The following P4HA1 variants were observed in gnomAD, a reference collection of about 807,000 sequenced individuals.
P4HA1 encodes the protein prolyl 4-hydroxylase subunit alpha 1.
A neutral mutation model predicts 72.8 loss-of-function variants in P4HA1; 24 were observed. The ratio of observed to expected loss-of-function variants is 0.33; its 90% CI spans 0.24 to 0.46. The LOEUF (loss-of-function observed/expected upper bound fraction) is 0.46. Among genes scored for constraint, P4HA1 ranks in the 20% least tolerant of loss-of-function variants. The probability of loss-of-function intolerance (pLI) is 1.00; values close to 1 mark genes in which losing one functional copy is unlikely to be tolerated. For synonymous variants in P4HA1, 201 were observed against 218.8 expected (o/e 0.92, Z 0.72); for missense variants, 446 against 640.6 (o/e 0.70, Z 3.28).
intron 14 of P4HA1, 97 bp downstream of exon 14, chr10:73,009,710 A>G: frequency 1.5e-6 from 1 of 649,344 alleles, no homozygotes; most frequent in South Asian, 2.0e-5. Context: ...AATCATATTA[A>G]GCAAACATGG....
chr10:73,014,263 C>G lies in P4HA1; in HGVS notation c.1329G>C (p.Glu443Asp). The stretch of plus-strand genomic sequence containing the variant: ...TAGCAATTCTATTTCCTGTCCCCAG[C>G]TCTTTGAAAGCATCTGGCTCATCTT... ...ARKDEPDAFKELGTGNRIATW... is the reference protein window; with the variant it reads ...ARKDEPDAFKDLGTGNRIATW... The change falls in exon 12 of 15, where the codon GAG becomes GAC. Residue 443 changes from glutamate to aspartate, a missense_variant. Transcript: ENST00000394890. 1 of 1,613,378 alleles carries G rather than the reference C, an allele frequency of 6.2e-7. No individual in the cohort carries two copies. The highest frequency in any genetic ancestry group is 8.5e-7 in the Non-Finnish European group (1 of 1,179,390).
chr10:73,009,510 AATCCATT>A, intron 14 of P4HA1: 3 of 243,266 alleles, frequency 1.2e-5, no homozygotes, highest in Non-Finnish European at 2.5e-5. Context: ...ACTACATTAT[AATCCATT>A]AGTATGTCTC....
chr10:73,055,449 C>T (rs1267945217), intron 5 of P4HA1, among the ~76,000 whole-genome samples: 1 of 152,186 alleles, frequency 6.6e-6, no homozygotes, highest in Non-Finnish European at 1.5e-5. Context: ...CGTGATCCAC[C>T]CACTTCAGCC....
Position 73,008,241 on chromosome 10 carries a change from G to A in P4HA1, c.1586C>T (p.Thr529Met), listed in dbSNP as rs201647721. ...ERGQEFRRPCTLSELE is the reference protein window; with the variant it reads ...ERGQEFRRPCMLSELE ...TGTTTGTCATTCCAATTCTGACAAC[G>A]TACAAGGTCTTCGAAATTCTTGTCC... Residue 529 changes from threonine to methionine, a missense_variant, in exon 15 of 15, where the codon ACG becomes ATG. Physicochemically the swap from Thr to Met is moderately conservative, Grantham distance 81. Transcript: ENST00000394890. The A allele has an allele frequency of 1.9e-5, 30 of 1,606,558 alleles. No individual in the cohort carries two copies. Among genetic ancestry groups the A allele is most frequent in the Middle Eastern group, 1.6e-4 (1 of 6,062 alleles).
At chr10:73,040,476 AT>A (rs1217054869) in intron 9 of P4HA1, among the ~76,000 whole-genome samples, 255 of 123,570 alleles carry the variant, frequency 2.1e-3, no homozygotes, top group Middle Eastern at 0.012. Flanking sequence ...GAATTCATGA[AT>A]TTTTTTTTTT....
intron 1 of P4HA1, among the ~76,000 whole-genome samples, chr10:73,079,942 T>TGA (rs1841785631): frequency 6.6e-6 from 1 of 152,100 alleles, no homozygotes; most frequent in Non-Finnish European, 1.5e-5. Flanking sequence ...GATGGCCTTG[T>TGA]GAATGGTAGA....
chr10:73,084,998 G>A (rs1310490534), intron 1 of P4HA1, among the ~76,000 whole-genome samples: 9 of 151,980 alleles, frequency 5.9e-5, no homozygotes, highest in South Asian at 2.1e-4. Context: ...AAAATTAGCC[G>A]GGCATGGTGG....
rs572017167 is a variant in P4HA1 at position 73,053,775 on chromosome 10, G to C, written c.464-185C>G. Among the ~76,000 whole-genome samples, 5 of 152,146 alleles carry C rather than the reference G, an allele frequency of 3.3e-5. No homozygotes were observed. The East Asian group carries it at 9.6e-4, about 29-fold the overall frequency. ...TCTATAATATAATGTAGATAAACAA[G>C]AATCACACAGCTGGTATTAGGGGAC... On this transcript the variant is annotated intron_variant, in intron 5 of 14. Transcript: ENST00000394890.
At chr10:73,056,281 A>C (rs1416727707) in intron 5 of P4HA1, among the ~76,000 whole-genome samples, 2 of 152,230 alleles carry the variant, frequency 1.3e-5, no homozygotes, top group Admixed American at 6.5e-5. Context: ...TAAGAAAGAT[A>C]ATTTCAATGC....
rs761026912 is a variant in P4HA1 at position 73,053,372 on chromosome 10, T to A, written c.682A>T (p.Thr228Ser). 20 of 1,614,132 alleles carry A rather than the reference T, an allele frequency of 1.2e-5. No homozygotes were observed. Among genetic ancestry groups the A allele is most frequent in the Middle Eastern group, 3.3e-4 (2 of 6,060 alleles). Residue 228 changes from threonine to serine, a missense_variant, in exon 6 of 15, where the codon ACA becomes TCA. Thr to Ser is a moderately conservative substitution (Grantham distance 58, BLOSUM62 1). Transcript: ENST00000394890. ...ATACCTAGTTCAAGAAGCTTCTTTG[T>A]GAGCAAAAGTGCCTTATCCAGGTCT... ...QGDLDKALLL[T>S]KKLLELDPEH... is the part of the protein sequence containing the mutation.
chr10:73,008,387 G>A (rs1312090079), intron 14 of P4HA1, 95 bp from the exon 15 acceptor site: 2 of 792,988 alleles, frequency 2.5e-6, no homozygotes, highest in Non-Finnish European at 4.2e-6. Context: ...GTTTCATCAT[G>A]GGATAAAAGT....
intron 1 of P4HA1, among the ~76,000 whole-genome samples, chr10:73,080,761 T>C (rs1208691409): frequency 6.6e-6 from 1 of 152,110 alleles, no homozygotes; most frequent in African/African-American, 2.4e-5. Flanking sequence ...ACCCCGTCTC[T>C]ACTAAAAATA....
At chr10:73,040,362 T>G (rs1437852053) in intron 9 of P4HA1, among the ~76,000 whole-genome samples, 2 of 152,224 alleles carry the variant, frequency 1.3e-5, no homozygotes, top group Admixed American at 1.3e-4. Flanking sequence ...GTGATTTATT[T>G]TGATTTATTG....
At chr10:73,069,142 G>A (rs768992188) in intron 4 of P4HA1, among the ~76,000 whole-genome samples, 159 bp from the exon 5 acceptor site, 1 of 152,142 alleles carries the variant, frequency 6.6e-6, no homozygotes, top group Non-Finnish European at 1.5e-5. Context: ...CACTGAATAA[G>A]ACTTGGCATA....
At chr10:73,073,902 T>C in intron 2 of P4HA1, 75 bp from the exon 3 acceptor site, 1 of 768,432 alleles carries the variant, frequency 1.3e-6, no homozygotes, top group Non-Finnish European at 2.3e-6. Context: ...TGATTGAGAC[T>C]GTTTCATTCT....
chr10:73,075,504 T>G (rs1376028141), intron 1 of P4HA1, among the ~76,000 whole-genome samples: 2 of 152,178 alleles, frequency 1.3e-5, no homozygotes, highest in Non-Finnish European at 2.9e-5. Context: ...TTAGAGTAAT[T>G]GAATAGTAGG....
rs58869486 is a variant in P4HA1, at chr10:73,059,985, G to A, written c.464-6395C>T. Among the ~76,000 whole-genome samples, 36 of 151,976 alleles carry A rather than the reference G, an allele frequency of 2.4e-4. 1 individual carries two copies. The East Asian group carries it at 6.4e-3, about 27-fold the overall frequency. The stretch of plus-strand genomic sequence containing the variant: ...AAAACAATGAATCAAAAGAAAAAAC[G>A]AGGACAATCCCTAAAAATCTGAGGA... On this transcript the variant is annotated intron_variant, in intron 5 of 14. Coordinates refer to ENST00000394890, the MANE Select transcript of P4HA1 (RefSeq NM_001017962.3).
chr10:73,095,884 T>A (rs188774640), intron 1 of P4HA1, among the ~76,000 whole-genome samples: 56 of 151,358 alleles, frequency 3.7e-4, no homozygotes, highest in African/African-American at 1.3e-3. Flanking sequence ...ACAGTTATCA[T>A]ACCATCCTTC....
chr10:73,032,593 T>C (rs1840456517), intron 9 of P4HA1, among the ~76,000 whole-genome samples: 1 of 152,212 alleles, frequency 6.6e-6, no homozygotes, highest in Admixed American at 6.5e-5. Context: ...CAAGAACGTA[T>C]TTCCTCTAGG....
Sources: allele counts gnomAD v4.1 joint callset (sites outside exome capture counted in the v4.1 genomes callset), GRCh38; gene constraint gnomAD v4.1.1; transcripts MANE v1.5; gene names NCBI Gene and HGNC (gene_info 2026-07-23, HGNC 2026-07-21).